The following RBFOX1 variants were observed in gnomAD, a reference collection of about 807,000 sequenced individuals.
RBFOX1 encodes the protein RNA binding fox-1 homolog 1, also known as RNA binding protein fox-1 homolog 1.
RBFOX1 carries 8 observed loss-of-function variants against 57.7 expected under a neutral mutation model. The observed-to-expected ratio is 0.14, with a 90% CI of 0.08 to 0.25. RBFOX1 has a LOEUF of 0.25. Among genes scored for constraint, RBFOX1 ranks in the 10% least tolerant of loss-of-function variants. RBFOX1 has a pLI of 1.00. For missense variants in RBFOX1, 611 were observed against 548.5 expected (o/e 1.11, Z -1.14); for synonymous variants, 326 against 222.4 (o/e 1.47, Z -4.15).
intron 3 of RBFOX1, among the ~76,000 whole-genome samples, chr16:5,728,059 C>G (rs963656880): frequency 6.6e-6 from 1 of 152,208 alleles, no homozygotes; most frequent in African/African-American, 2.4e-5. Context: ...ATTTGTCTTT[C>G]TGTTATCTGG....
Position 7,653,803 on chromosome 16 carries a change from C to T in RBFOX1, c.758-12C>T, listed in dbSNP as rs773859142. 3 of 1,606,336 alleles carry T rather than the reference C, an allele frequency of 1.9e-6. No homozygotes were observed. The highest frequency in any genetic ancestry group is 1.1e-5 in the South Asian group (1 of 90,992). On this transcript the variant is annotated splice_polypyrimidine_tract_variant and intron_variant, in intron 11 of 15. Coordinates refer to ENST00000550418, the MANE Select transcript of RBFOX1 (RefSeq NM_018723.4). Reference sequence around the variant, plus strand: ...CCTGTGCTCTCTCTCTCTCTCTCCTCTTGCCCCGCAGTGCCAGGCTTCCCG... The same window carrying T: ...CCTGTGCTCTCTCTCTCTCTCTCCTTTTGCCCCGCAGTGCCAGGCTTCCCG...
intron 1 of RBFOX1, among the ~76,000 whole-genome samples, chr16:5,391,926 C>G (rs551407493): frequency 1.3e-5 from 2 of 151,382 alleles, no homozygotes; most frequent in African/African-American, 4.9e-5. Context: ...CATATATATA[C>G]ACACACAATG....
At chr16:6,635,420 G>C (rs1420020472) in intron 2 of RBFOX1, among the ~76,000 whole-genome samples, 3 of 151,998 alleles carry the variant, frequency 2.0e-5, no homozygotes, top group African/African-American at 7.2e-5. Context: ...CCAAAGACTT[G>C]GTGCCACAAG....
intron 1 of RBFOX1, among the ~76,000 whole-genome samples, chr16:6,182,826 T>C (rs982414738): frequency 2.0e-5 from 3 of 152,222 alleles, no homozygotes; most frequent in Admixed American, 2.0e-4. Flanking sequence ...CATAATTCTT[T>C]TTTAATGAAA....
At chr16:5,844,781 T>C (rs10500329) in intron 3 of RBFOX1, among the ~76,000 whole-genome samples, 91,192 of 152,078 alleles carry the variant, frequency 0.6, 27,815 homozygotes, top group African/African-American at 0.68. Flanking sequence ...CGACTTTGAT[T>C]TTAACAGAAC....
Position 6,288,611 on chromosome 16 carries a change from G to T in RBFOX1, c.-126-28384G>T, listed in dbSNP as rs911548765. On this transcript the variant is annotated intron_variant, in intron 1 of 15. Coordinates refer to ENST00000550418, the MANE Select transcript of RBFOX1 (RefSeq NM_018723.4). Reference sequence around the variant, plus strand: ...GAAACTCAGTCAGGTGAGAGCTGTTGTCTGAGTTGCACTTCTGGGAAACTG... The same window carrying T: ...GAAACTCAGTCAGGTGAGAGCTGTTTTCTGAGTTGCACTTCTGGGAAACTG... 2.2e-4 allele frequency among the ~76,000 whole-genome samples: 33 copies of T among 152,178 alleles called. 1 individual carries two copies. The highest frequency in any genetic ancestry group is 5.9e-5 in the Non-Finnish European group (4 of 68,024).
intron 2 of RBFOX1, among the ~76,000 whole-genome samples, chr16:5,498,583 G>A (rs536350822): frequency 1.3e-5 from 2 of 152,344 alleles, no homozygotes; most frequent in South Asian, 4.1e-4. Flanking sequence ...ATGGCACTGG[G>A]AAGATGTTTT....
chr16:5,454,316 A>G (rs901723389), intron 1 of RBFOX1, among the ~76,000 whole-genome samples: 12 of 152,376 alleles, frequency 7.9e-5, no homozygotes, highest in African/African-American at 2.9e-4. Context: ...ACTTAGAGGC[A>G]TAAAACAACT....
chr16:5,294,516 A>G (rs539540991), intron 1 of RBFOX1, among the ~76,000 whole-genome samples: 2 of 152,260 alleles, frequency 1.3e-5, no homozygotes, highest in South Asian at 4.1e-4. Flanking sequence ...GGCTGCCTCA[A>G]AATGCACTGG....
intron 4 of RBFOX1, among the ~76,000 whole-genome samples, chr16:7,058,311 C>CT: frequency 6.6e-6 from 1 of 152,162 alleles, no homozygotes; most frequent in Non-Finnish European, 1.5e-5. Context: ...GGCTGTAACA[C>CT]TTTCTAAGCT....
intron 1 of RBFOX1, among the ~76,000 whole-genome samples, chr16:5,331,156 C>T (rs1010690150): frequency 1.3e-5 from 2 of 152,148 alleles, no homozygotes; most frequent in African/African-American, 4.8e-5. Flanking sequence ...CTTACGTGGA[C>T]TCCTCCGGAT....
intron 4 of RBFOX1, among the ~76,000 whole-genome samples, chr16:7,375,632 A>C (rs547219485): frequency 1.3e-5 from 2 of 152,220 alleles, no homozygotes; most frequent in East Asian, 3.9e-4. Flanking sequence ...GGGGACTCAC[A>C]TAAACAGTAA....
chr16:7,706,382 G>A (rs1046508756), intron 14 of RBFOX1, among the ~76,000 whole-genome samples: 2 of 152,150 alleles, frequency 1.3e-5, no homozygotes, highest in African/African-American at 4.8e-5. Flanking sequence ...TTCTGCCTTG[G>A]AAGAGAATAC....
At chr16:5,280,872 A>C (rs1375674128) in intron 1 of RBFOX1, among the ~76,000 whole-genome samples, 1 of 149,272 alleles carries the variant, frequency 6.7e-6, no homozygotes, top group Admixed American at 6.6e-5. Context: ...ATTTTGTTTA[A>C]CTTTTCAAAA....
Position 6,019,828 on chromosome 16 carries a change from G to T in RBFOX1, c.-291G>T, listed in dbSNP as rs988940749. ...CGCGCCCAGGCAGGCGCGCCAGGGC[G>T]GGGCTGACCTGCCCGCGAAGTTGCG... On this transcript the variant is annotated 5_prime_UTR_variant, in exon 1 of 16. Coordinates refer to ENST00000550418, the MANE Select transcript of RBFOX1 (RefSeq NM_018723.4). The surrounding 1 kb of genome is among the most constrained non-coding windows in gnomAD (Gnocchi z 4.2). The T allele has an allele frequency of 1.3e-6, 2 of 1,513,714 alleles. No individual in the cohort carries two copies. The highest frequency in any genetic ancestry group is 1.8e-6 in the Non-Finnish European group (2 of 1,133,240). 93.8% of individuals were successfully genotyped at this position (1,513,714 alleles called of 1,614,324 possible). A position where few individuals can be genotyped will look rare whatever the true frequency, so the allele number is the denominator to read the frequency against.
At chr16:6,570,547 G>A (rs1211839442) in intron 2 of RBFOX1, among the ~76,000 whole-genome samples, 3 of 151,902 alleles carry the variant, frequency 2.0e-5, no homozygotes, top group Non-Finnish European at 4.4e-5. Context: ...ATTTATACAT[G>A]TATGCTTAAT....
intron 4 of RBFOX1, among the ~76,000 whole-genome samples, chr16:6,005,109 T>A (rs1376288719): frequency 6.6e-6 from 1 of 152,214 alleles, no homozygotes; most frequent in Non-Finnish European, 1.5e-5. Flanking sequence ...AGAGTCCATT[T>A]CTTAATACCA....
chr16:6,429,303 T>C (rs1187672059), intron 2 of RBFOX1, among the ~76,000 whole-genome samples: 1 of 152,224 alleles, frequency 6.6e-6, no homozygotes, highest in Non-Finnish European at 1.5e-5. Flanking sequence ...CCCTGGGATC[T>C]TTGCCAGCTC....
At chr16:6,467,915 T>C (rs1198465426) in intron 2 of RBFOX1, among the ~76,000 whole-genome samples, 1 of 152,228 alleles carries the variant, frequency 6.6e-6, no homozygotes, top group Non-Finnish European at 1.5e-5. Context: ...CTGTAGAATA[T>C]GGCCAATAAA....
Sources: allele counts gnomAD v4.1 joint callset (sites outside exome capture counted in the v4.1 genomes callset), GRCh38; gene constraint gnomAD v4.1.1; non-coding constraint Gnocchi (gnomAD v3.1); transcripts MANE v1.5; gene names NCBI Gene and HGNC (gene_info 2026-07-23, HGNC 2026-07-21).